The following SLC35F3 variants were observed in gnomAD, a reference collection of about 807,000 sequenced individuals.
SLC35F3 encodes the protein putative thiamine transporter SLC35F3.
Under a neutral mutation model 49.9 loss-of-function variants are expected in SLC35F3, and 25 were observed. That is an observed-to-expected ratio of 0.50 (90% CI 0.37 to 0.70). The LOEUF is 0.70. SLC35F3 is among the 30% of genes least tolerant of loss of function. The pLI is 0.00. For synonymous variants in SLC35F3, 275 were observed against 265.4 expected, an observed-to-expected ratio of 1.04 and a Z score of -0.35; for missense variants, 525 against 639.8, an observed-to-expected ratio of 0.82 and a Z score of 1.94.
At chr1:234,162,044 T>C (rs1283534839) in intron 2 of SLC35F3, among the ~76,000 whole-genome samples, 2 of 152,134 alleles carry the variant, frequency 1.3e-5, no homozygotes, top group Non-Finnish European at 2.9e-5. Context: ...CTGTGCTGTC[T>C]AGGGCTCACC....
intron 2 of SLC35F3, among the ~76,000 whole-genome samples, chr1:234,099,617 A>C (rs999289471): frequency 2.7e-5 from 4 of 150,396 alleles, no homozygotes; most frequent in Admixed American, 6.6e-5. Flanking sequence ...TAAAAAAAAA[A>C]AAAAAAAAAA....
intron 2 of SLC35F3, among the ~76,000 whole-genome samples, chr1:234,097,728 G>A (rs1197549631): frequency 6.6e-6 from 1 of 152,202 alleles, no homozygotes; most frequent in African/African-American, 2.4e-5. Flanking sequence ...GGAGAAGAAG[G>A]AATCCAGGAT....
At chr1:234,266,109 C>G (rs1335569309) in intron 3 of SLC35F3, among the ~76,000 whole-genome samples, 3 of 152,192 alleles carry the variant, frequency 2.0e-5, no homozygotes, top group Non-Finnish European at 4.4e-5. Flanking sequence ...TTTGTTTGCT[C>G]TCTGTACTAG....
chr1:234,147,261 C>A, intron 2 of SLC35F3, among the ~76,000 whole-genome samples: 1 of 134,878 alleles, frequency 7.4e-6, no homozygotes, highest in Admixed American at 7.9e-5. Context: ...TGTTGGAAAT[C>A]ATAGTGTAAA....
At chr1:234,069,790 C>G (rs1664685775) in intron 2 of SLC35F3, among the ~76,000 whole-genome samples, 2 of 152,266 alleles carry the variant, frequency 1.3e-5, no homozygotes, top group Admixed American at 1.3e-4. Context: ...TGTTGCTCTT[C>G]CTGTAGCTCA....
At chr1:234,070,669 A>G (rs1664699290) in intron 2 of SLC35F3, among the ~76,000 whole-genome samples, 1 of 152,188 alleles carries the variant, frequency 6.6e-6, no homozygotes, top group South Asian at 2.1e-4. Flanking sequence ...TAATCTCATC[A>G]GGTTCATAGA....
intron 3 of SLC35F3, among the ~76,000 whole-genome samples, chr1:234,303,212 TG>T (rs1184845913): frequency 3.3e-5 from 5 of 152,218 alleles, no homozygotes; most frequent in African/African-American, 1.2e-4. Context: ...GTGAAAAACC[TG>T]TCATTTCTCC....
intron 4 of SLC35F3, among the ~76,000 whole-genome samples, chr1:234,316,361 T>A (rs1025779480): frequency 1.3e-5 from 2 of 152,228 alleles, no homozygotes; most frequent in Non-Finnish European, 2.9e-5. Context: ...CATTCCCTGC[T>A]GCCAGCAGTT....
At chr1:234,202,167 C>T (rs1262128239) in intron 2 of SLC35F3, among the ~76,000 whole-genome samples, 1 of 152,294 alleles carries the variant, frequency 6.6e-6, no homozygotes, top group Admixed American at 6.5e-5. Context: ...AACCAAACAC[C>T]ACATGTTTCA....
rs79506651 is a variant in SLC35F3, at chr1:234,255,512, A to T, written c.608+23771A>T. 1.0e-3 allele frequency among the ~76,000 whole-genome samples: 152 copies of T among 152,344 alleles called. 1 individual carries two copies. The highest frequency in any genetic ancestry group is 3.5e-3 in the African/African-American group (146 of 41,592). ...AATTGTGCTTTTTGGTGTTTACCCA[A>T]ATGAGCTGAAAACTTATATCCACAC... On this transcript the variant is annotated intron_variant, in intron 3 of 7. Coordinates refer to ENST00000366618, the MANE Select transcript of SLC35F3 (RefSeq NM_173508.4).
intron 2 of SLC35F3, among the ~76,000 whole-genome samples, chr1:234,204,954 T>C (rs1462370526): frequency 6.6e-6 from 1 of 152,244 alleles, no homozygotes. Context: ...GGAACATCTC[T>C]CTCCCTTTTT....
At chr1:234,319,093 T>C (rs1316068782) in intron 6 of SLC35F3, 150 bp downstream of exon 6, 2 of 705,484 alleles carry the variant, frequency 2.8e-6, no homozygotes, top group Non-Finnish European at 4.7e-6. Context: ...CACAAAGTAG[T>C]CTTTGAAATG....
At chr1:234,208,216 G>A (rs533658387) in intron 2 of SLC35F3, among the ~76,000 whole-genome samples, 36 of 152,230 alleles carry the variant, frequency 2.4e-4, no homozygotes, top group African/African-American at 7.5e-4. Context: ...CGGTCTCAAG[G>A]GAATCATAAG....
At chr1:234,255,374 C>T (rs995956684) in intron 3 of SLC35F3, among the ~76,000 whole-genome samples, 3 of 152,180 alleles carry the variant, frequency 2.0e-5, no homozygotes, top group Non-Finnish European at 4.4e-5. Flanking sequence ...GAATGTGGAG[C>T]AATAGGAACT....
chr1:233,977,816 A>G (rs1663115541), intron 2 of SLC35F3, among the ~76,000 whole-genome samples: 1 of 152,276 alleles, frequency 6.6e-6, no homozygotes, highest in Non-Finnish European at 1.5e-5. Flanking sequence ...TTATAAGTCT[A>G]CCAAGCAGGA....
chr1:234,188,324 G>A (rs1040796331), intron 2 of SLC35F3, among the ~76,000 whole-genome samples: 1 of 152,074 alleles, frequency 6.6e-6, no homozygotes, highest in Non-Finnish European at 1.5e-5. Flanking sequence ...CCCACTGCCT[G>A]GAAACAGACT....
intron 2 of SLC35F3, among the ~76,000 whole-genome samples, chr1:234,003,128 G>A (rs4920208): frequency 0.16 from 23,096 of 148,110 alleles, 2,893 homozygotes; most frequent in East Asian, 0.42. Context: ...GGTTCTTTTC[G>A]TTGAAGAGTG....
chr1:234,266,877 T>TTTG (rs1356444695), intron 3 of SLC35F3, among the ~76,000 whole-genome samples: 2 of 148,122 alleles, frequency 1.4e-5, no homozygotes, highest in Non-Finnish European at 3.0e-5. Context: ...CACATGGTTT[T>TTTG]TTTTTTTTTT....
intron 3 of SLC35F3, among the ~76,000 whole-genome samples, chr1:234,286,208 A>G (rs1668417254): frequency 6.6e-6 from 1 of 152,240 alleles, no homozygotes; most frequent in African/African-American, 2.4e-5. Context: ...TCAAGATCTC[A>G]CAGCTAGGAG....
Sources: gnomAD v4.1 joint callset for allele counts (sites outside exome capture counted in the v4.1 genomes callset) on GRCh38, gnomAD v4.1.1 for gene constraint, MANE v1.5 for transcripts, NCBI Gene and HGNC (gene_info 2026-07-23, HGNC 2026-07-21) for gene names.